CTNNA2: variants seen among roughly 807,000 people sequenced by gnomAD.
CTNNA2 encodes the protein catenin alpha-2.
CTNNA2 carries 42 observed loss-of-function variants against 101.0 expected under a neutral mutation model. That is an observed-to-expected ratio of 0.42 (90% CI 0.32 to 0.54). The LOEUF is 0.54. CTNNA2 is among the 20% of genes least tolerant of loss of function. CTNNA2 has a pLI of 0.14. For missense variants in CTNNA2, 871 were observed against 1,223.1 expected (o/e 0.71, Z 4.29); for synonymous variants, 450 against 456.4 (o/e 0.99, Z 0.18).
intron 2 of CTNNA2, among the ~76,000 whole-genome samples, chr2:79,204,963 A>G (rs892488572): frequency 6.6e-6 from 1 of 152,218 alleles, no homozygotes; most frequent in Non-Finnish European, 1.5e-5. Context: ...CAACACATCA[A>G]TTTTGGAGTG....
At chr2:79,614,953 G>A (rs1678520335) in intron 1 of CTNNA2, among the ~76,000 whole-genome samples, 1 of 152,050 alleles carries the variant, frequency 6.6e-6, no homozygotes, top group Non-Finnish European at 1.5e-5. Context: ...AGATTTCAGG[G>A]AATTTCAAGG....
At chr2:80,586,685 A>T (rs1696000760) in intron 14 of CTNNA2, among the ~76,000 whole-genome samples, 1 of 152,248 alleles carries the variant, frequency 6.6e-6, no homozygotes, top group Non-Finnish European at 1.5e-5. Flanking sequence ...TTTCAAATAC[A>T]GTTTTTAAAG....
chr2:80,272,375 A>G (rs1369950880), intron 7 of CTNNA2, among the ~76,000 whole-genome samples: 1 of 152,226 alleles, frequency 6.6e-6, no homozygotes, highest in African/African-American at 2.4e-5. Flanking sequence ...TTTGGAACTT[A>G]ATTACAGAGT....
At chr2:80,083,533 T>C (rs1023002502) in intron 7 of CTNNA2, among the ~76,000 whole-genome samples, 1 of 152,054 alleles carries the variant, frequency 6.6e-6, no homozygotes, top group African/African-American at 2.4e-5. Context: ...ATTGAACATA[T>C]TGGCTTAATG....
intron 7 of CTNNA2, among the ~76,000 whole-genome samples, chr2:80,378,156 A>G (rs546406717): frequency 6.6e-6 from 1 of 152,116 alleles, no homozygotes; most frequent in South Asian, 2.1e-4. Context: ...GGAGTTTGAG[A>G]CCAGCCTGCC....
chr2:80,029,153 A>G (rs537702233), intron 7 of CTNNA2, among the ~76,000 whole-genome samples: 1 of 152,348 alleles, frequency 6.6e-6, no homozygotes, highest in East Asian at 1.9e-4. Flanking sequence ...TATGACTACT[A>G]CTGCTACTAC....
intron 3 of CTNNA2, among the ~76,000 whole-genome samples, chr2:79,347,097 A>G (rs566612699): frequency 1.2e-4 from 19 of 152,342 alleles, no homozygotes; most frequent in Admixed American, 3.3e-4. Context: ...CTAACATTTT[A>G]AAATATTAAA....
intron 9 of CTNNA2, among the ~76,000 whole-genome samples, chr2:80,456,376 A>G (rs1255043390): frequency 6.6e-6 from 1 of 152,200 alleles, no homozygotes; most frequent in Admixed American, 6.5e-5. Context: ...CCCTGCTGCC[A>G]TTCCAGGAAT....
At chr2:79,576,668 T>C (rs949554680) in intron 1 of CTNNA2, among the ~76,000 whole-genome samples, 1 of 152,168 alleles carries the variant, frequency 6.6e-6, no homozygotes, top group Non-Finnish European at 1.5e-5. Context: ...ATTTTTAGTG[T>C]TTGCTTTTCT....
intron 7 of CTNNA2, among the ~76,000 whole-genome samples, chr2:80,077,131 T>A (rs1698809500): frequency 6.6e-6 from 1 of 152,144 alleles, no homozygotes; most frequent in Non-Finnish European, 1.5e-5. Context: ...GGAGAGGATA[T>A]GGAACAACTG....
At chr2:79,586,296 A>G (rs1395773517) in intron 1 of CTNNA2, among the ~76,000 whole-genome samples, 1 of 150,498 alleles carries the variant, frequency 6.6e-6, no homozygotes, top group Non-Finnish European at 1.5e-5. Context: ...ACCTCCTAAA[A>G]CTCTGCCCTC....
At chr2:79,742,281 C>T (rs942541767) in intron 2 of CTNNA2, among the ~76,000 whole-genome samples, 1 of 151,998 alleles carries the variant, frequency 6.6e-6, no homozygotes, top group African/African-American at 2.4e-5. Flanking sequence ...GCTTCTACTC[C>T]TTTGAAATGT....
At chr2:79,197,185 G>A (rs746681269) in intron 1 of CTNNA2, among the ~76,000 whole-genome samples, 3 of 152,114 alleles carry the variant, frequency 2.0e-5, no homozygotes, top group Admixed American at 6.5e-5. Context: ...AAGAGCACCC[G>A]AATTAGAACA....
At chr2:80,214,525 A>G (rs1708124996) in intron 7 of CTNNA2, among the ~76,000 whole-genome samples, 1 of 152,290 alleles carries the variant, frequency 6.6e-6, no homozygotes, top group South Asian at 2.1e-4. Context: ...TTCTTCAAGA[A>G]TGTTAAATGT....
intron 3 of CTNNA2, among the ~76,000 whole-genome samples, chr2:79,854,962 A>G (rs936487351): frequency 6.6e-6 from 1 of 152,208 alleles, no homozygotes; most frequent in Non-Finnish European, 1.5e-5. Flanking sequence ...AGTTTGCTTC[A>G]GTAATCTTAA....
At chr2:79,468,352 A>G (rs144510880) in intron 4 of CTNNA2, among the ~76,000 whole-genome samples, 1,778 of 152,330 alleles carry the variant, frequency 0.012, 15 homozygotes, top group Non-Finnish European at 0.019. Context: ...ATATGCACCC[A>G]ATACAGGAGC....
chr2:79,785,548 CT>C (rs1221435968), intron 3 of CTNNA2, among the ~76,000 whole-genome samples: 1 of 150,926 alleles, frequency 6.6e-6, no homozygotes, highest in Non-Finnish European at 1.5e-5. Context: ...ACACACTTTG[CT>C]TTTTTTCCCC....
intron 7 of CTNNA2, among the ~76,000 whole-genome samples, chr2:80,355,141 A>G (rs961661256): frequency 6.6e-6 from 1 of 152,176 alleles, no homozygotes; most frequent in Non-Finnish European, 1.5e-5. Context: ...TGTAGCAGAC[A>G]TCGCTATATG....
At chr2:80,057,943 T>C (rs1281116254) in intron 7 of CTNNA2, among the ~76,000 whole-genome samples, 1 of 152,140 alleles carries the variant, frequency 6.6e-6, no homozygotes. Flanking sequence ...ATACCTTTCA[T>C]ACTAAAAATG....
Sources: gnomAD v4.1 joint callset for allele counts (sites outside exome capture counted in the v4.1 genomes callset) on GRCh38, gnomAD v4.1.1 for gene constraint, MANE v1.5 for transcripts, NCBI Gene and HGNC (gene_info 2026-07-23, HGNC 2026-07-21) for gene names.